The following GPR158 variants were observed in gnomAD, a reference collection of about 807,000 sequenced individuals.
GPR158 encodes metabotropic glycine receptor.
GPR158 carries 30 observed loss-of-function variants against 78.2 expected under a neutral mutation model. That is an observed-to-expected ratio of 0.38 (90% CI 0.29 to 0.52). The LOEUF (loss-of-function observed/expected upper bound fraction) is 0.52, where lower values mean the gene tolerates loss of function less well. GPR158 is among the 20% of genes least tolerant of loss of function. The probability of loss-of-function intolerance (pLI) is 0.83; values close to 1 mark genes in which losing one functional copy is unlikely to be tolerated. For synonymous variants in GPR158, 581 were observed against 591.1 expected, an observed-to-expected ratio of 0.98 and a Z score of 0.25; for missense variants, 1,463 against 1,523.5, an observed-to-expected ratio of 0.96 and a Z score of 0.66.
chr10:25,187,736 C>T (rs931276817), intron 1 of GPR158, among the ~76,000 whole-genome samples: 5 of 152,090 alleles, frequency 3.3e-5, no homozygotes, highest in African/African-American at 9.7e-5. Flanking sequence ...ACAGGGATGC[C>T]CTCTCTCACC....
intron 3 of GPR158, among the ~76,000 whole-genome samples, chr10:25,411,997 A>T (rs1392285201): frequency 2.8e-5 from 4 of 143,204 alleles, no homozygotes; most frequent in African/African-American, 1.0e-4. Context: ...CCCTGCCCTC[A>T]TGAAGCTTTA....
intron 2 of GPR158, among the ~76,000 whole-genome samples, chr10:25,384,370 A>T (rs1436262190): frequency 6.6e-6 from 1 of 152,224 alleles, no homozygotes; most frequent in African/African-American, 2.4e-5. Flanking sequence ...TCCAGAGGGC[A>T]TTAGTGAATT....
chr10:25,279,771 A>G (rs887569070), intron 2 of GPR158, among the ~76,000 whole-genome samples: 16 of 152,256 alleles, frequency 1.1e-4, no homozygotes, highest in African/African-American at 3.1e-4. Context: ...TCTCTTCCTC[A>G]GGGGAATTGG....
At chr10:25,460,070 T>C (rs1835337419) in intron 4 of GPR158, among the ~76,000 whole-genome samples, 1 of 152,232 alleles carries the variant, frequency 6.6e-6, no homozygotes, top group Admixed American at 6.5e-5. Flanking sequence ...GATACAGTTT[T>C]TGATGATTAT....
intron 4 of GPR158, among the ~76,000 whole-genome samples, chr10:25,421,737 T>G (rs1477731853): frequency 6.6e-6 from 1 of 152,192 alleles, no homozygotes; most frequent in Non-Finnish European, 1.5e-5. Flanking sequence ...CAATATTATT[T>G]TTGCTCCCTT....
At position 25,465,563 on chromosome 10, in the gene GPR158, T is replaced by C. The variant is rs144272234; in HGVS notation, c.1336-1088T>C. ...TTTATTTGAAAATCAAATCAACTAA[T>C]TCTTTTGAATTTTGAGTAAAGAATA... On this transcript the variant is annotated intron_variant, in intron 4 of 10. Coordinates refer to ENST00000376351, the MANE Select transcript of GPR158 (RefSeq NM_020752.3). 3.2e-3 allele frequency among the ~76,000 whole-genome samples: 480 copies of C among 152,348 alleles called. 3 individuals carry two copies. Among genetic ancestry groups the C allele is most frequent in the Non-Finnish European group, 5.2e-3 (352 of 68,034 alleles).
chr10:25,222,374 C>T (rs536302855), intron 2 of GPR158, among the ~76,000 whole-genome samples: 4 of 149,266 alleles, frequency 2.7e-5, no homozygotes, highest in Middle Eastern at 3.4e-3. Context: ...TCTATCACAT[C>T]TCTCCACCAT....
At chr10:25,286,861 T>C (rs756236068) in intron 2 of GPR158, among the ~76,000 whole-genome samples, 20 of 152,256 alleles carry the variant, frequency 1.3e-4, no homozygotes, top group African/African-American at 3.6e-4. Flanking sequence ...TTTAGGGTGA[T>C]GGTAGTTTGC....
At chr10:25,494,581 C>T (rs945346644) in intron 5 of GPR158, among the ~76,000 whole-genome samples, 1 of 152,122 alleles carries the variant, frequency 6.6e-6, no homozygotes. Context: ...CAGCTTATAA[C>T]AATCGTGTAG....
At chr10:25,590,649 G>A (rs1345438676) in intron 8 of GPR158, among the ~76,000 whole-genome samples, 4 of 152,116 alleles carry the variant, frequency 2.6e-5, no homozygotes, top group African/African-American at 9.7e-5. Flanking sequence ...CAAGTTAAAT[G>A]TTAACAAATC....
chr10:25,227,199 TAATA>T (rs1564395986), intron 2 of GPR158, among the ~76,000 whole-genome samples: 1 of 152,210 alleles, frequency 6.6e-6, no homozygotes, highest in Non-Finnish European at 1.5e-5. Flanking sequence ...CTGGGGAGCC[TAATA>T]AGTCAGTTAA....
intron 2 of GPR158, among the ~76,000 whole-genome samples, chr10:25,389,389 G>T (rs1754265): frequency 0.62 from 93,607 of 151,606 alleles, 30,064 homozygotes; most frequent in Non-Finnish European, 0.73. Context: ...TAACCTCTCT[G>T]CTGAGAGCTC....
chr10:25,284,975 T>C (rs1160419044), intron 2 of GPR158, among the ~76,000 whole-genome samples: 5 of 152,152 alleles, frequency 3.3e-5, no homozygotes, highest in African/African-American at 1.2e-4. Flanking sequence ...GCTATTATTT[T>C]TTATTTAGGC....
At chr10:25,552,621 C>T (rs1836740845) in intron 6 of GPR158, among the ~76,000 whole-genome samples, 2 of 152,200 alleles carry the variant, frequency 1.3e-5, no homozygotes, top group Admixed American at 6.5e-5. Flanking sequence ...GCACTCAGCA[C>T]AAATGACTGA....
At chr10:25,218,328 T>A (rs1337717344) in intron 1 of GPR158, among the ~76,000 whole-genome samples, 1 of 152,188 alleles carries the variant, frequency 6.6e-6, no homozygotes, top group African/African-American at 2.4e-5. Flanking sequence ...CTGCGGTGAC[T>A]TTTTAGTTTC....
intron 3 of GPR158, among the ~76,000 whole-genome samples, chr10:25,409,969 GAAATTATTACCTTATA>G (rs1248426739): frequency 6.6e-6 from 1 of 151,970 alleles, no homozygotes; most frequent in African/African-American, 2.4e-5. Context: ...CTACTCTTTG[GAAATTATTACCTTATA>G]GGTCAGTGAA....
At chr10:25,547,669 G>A (rs1229052158) in intron 5 of GPR158, among the ~76,000 whole-genome samples, 1 of 152,134 alleles carries the variant, frequency 6.6e-6, no homozygotes, top group Admixed American at 6.6e-5. Flanking sequence ...CAGTTAGGAG[G>A]CAGGATGACA....
intron 1 of GPR158, among the ~76,000 whole-genome samples, chr10:25,195,805 A>G (rs1852836200): frequency 6.6e-6 from 1 of 152,200 alleles, no homozygotes; most frequent in African/African-American, 2.4e-5. Context: ...TTCCCGTGCC[A>G]GAAAATGTCT....
At chr10:25,194,920 T>C (rs114564232) in intron 1 of GPR158, among the ~76,000 whole-genome samples, 3,222 of 152,280 alleles carry the variant, frequency 0.021, 37 homozygotes, top group Middle Eastern at 0.037. Flanking sequence ...TTAAAGATAA[T>C]AACATTTGTA....
Sources: gnomAD v4.1 joint callset for allele counts (sites outside exome capture counted in the v4.1 genomes callset) on GRCh38, gnomAD v4.1.1 for gene constraint, MANE v1.5 for transcripts, NCBI Gene and HGNC (gene_info 2026-07-23, HGNC 2026-07-21) for gene names.